CCSER1: variants seen among roughly 807,000 people sequenced by gnomAD.
The protein encoded by CCSER1 is serine-rich coiled-coil domain-containing protein 1.
In CCSER1, 41 loss-of-function variants were observed where a neutral mutation model predicts 82.0. The ratio of observed to expected loss-of-function variants is 0.50; its 90% CI spans 0.39 to 0.65. The LOEUF (loss-of-function observed/expected upper bound fraction) is 0.65, where lower values mean the gene tolerates loss of function less well. CCSER1 is among the 30% of genes least tolerant of loss of function. The probability of loss-of-function intolerance (pLI) is 0.00; values close to 1 mark genes in which losing one functional copy is unlikely to be tolerated. For synonymous variants in CCSER1, 414 were observed against 383.9 expected (o/e 1.08, Z -0.92); for missense variants, 1,119 against 1,064.2 (o/e 1.05, Z -0.72).
chr4:90,253,178 C>A (rs1722694210), intron 1 of CCSER1, among the ~76,000 whole-genome samples: 1 of 151,810 alleles, frequency 6.6e-6, no homozygotes, highest in Non-Finnish European at 1.5e-5. Context: ...ATAGGCCCAA[C>A]AATATAATTA....
At chr4:90,289,107 A>G (rs1258591474) in intron 1 of CCSER1, among the ~76,000 whole-genome samples, 1 of 151,908 alleles carries the variant, frequency 6.6e-6, no homozygotes, top group Admixed American at 6.6e-5. Context: ...GGTTTACTTG[A>G]TGCTTTCTTC....
rs1287541077 is a variant in CCSER1, at chr4:91,496,834, A to AT, written c.2218-101736dup. Among the ~76,000 whole-genome samples the AT allele has an allele frequency of 3.2e-3, 179 of 56,308 alleles. 14 individuals are homozygous for AT. The highest frequency in any genetic ancestry group is 0.025 in the Middle Eastern group (2 of 80). The allele number at this position is 56,308 out of a possible 152,430, so 36.9% of individuals were successfully genotyped here. A position where few individuals can be genotyped will look rare whatever the true frequency, so the allele number is the denominator to read the frequency against. On this transcript the variant is annotated intron_variant, in intron 10 of 10. Transcript: ENST00000509176. ...TATATTCAATATATATTGAATATAT[A>AT]TTGAATATATATATATTCAAATATA...
Position 90,823,292 on chromosome 4 carries a change from T to A in CCSER1, c.2094+7447T>A, listed in dbSNP as rs190041700. ...ATTTTTTTCAATTATCACATTTTTT[T>A]AATTACCTGTCCTTTAATAAACAAT... On this transcript the variant is annotated intron_variant, in intron 8 of 10. Transcript: ENST00000509176. Among the ~76,000 whole-genome samples the A allele has an allele frequency of 1.1e-3, 168 of 152,274 alleles. 1 individual carries two copies. The East Asian group carries it at 0.011, about 10-fold the overall frequency.
At chr4:91,282,803 A>G (rs1743012180) in intron 10 of CCSER1, among the ~76,000 whole-genome samples, 1 of 152,172 alleles carries the variant, frequency 6.6e-6, no homozygotes, top group African/African-American at 2.4e-5. Flanking sequence ...TGGATCCACC[A>G]CTTTAACTAT....
intron 3 of CCSER1, among the ~76,000 whole-genome samples, chr4:90,393,299 C>A (rs1751473231): frequency 6.6e-6 from 1 of 152,168 alleles, no homozygotes; most frequent in Admixed American, 6.5e-5. Flanking sequence ...GACTGAGGAT[C>A]TTCTACAATA....
chr4:90,636,016 A>G (rs1009337836), intron 6 of CCSER1, among the ~76,000 whole-genome samples: 3 of 151,872 alleles, frequency 2.0e-5, no homozygotes, highest in African/African-American at 7.2e-5. Context: ...AATAAGCCCA[A>G]ATTGATTCTT....
chr4:90,412,331 G>T (rs1351238154), intron 4 of CCSER1, among the ~76,000 whole-genome samples: 3 of 101,200 alleles, frequency 3.0e-5, no homozygotes, highest in Non-Finnish European at 5.6e-5. Flanking sequence ...GGGGGGAGGG[G>T]GGAGGGATAG....
chr4:90,570,576 A>G (rs1370385164), intron 5 of CCSER1, among the ~76,000 whole-genome samples: 1 of 152,126 alleles, frequency 6.6e-6, no homozygotes, highest in African/African-American at 2.4e-5. Context: ...ACCTCCTTCA[A>G]CATGGACTAT....
At chr4:91,277,526 C>CTTTTTT (rs552319172) in intron 10 of CCSER1, among the ~76,000 whole-genome samples, 2 of 100,028 alleles carry the variant, frequency 2.0e-5, no homozygotes, top group Non-Finnish European at 4.3e-5. Flanking sequence ...CCATTTTGTC[C>CTTTTTT]TTTTTTTTTT....
chr4:91,342,509 C>T (rs1747787908), intron 10 of CCSER1, among the ~76,000 whole-genome samples: 1 of 152,088 alleles, frequency 6.6e-6, no homozygotes, highest in African/African-American at 2.4e-5. Flanking sequence ...TCAGCATATT[C>T]CATGTGTATA....
chr4:90,323,098 G>A (rs933547053), intron 3 of CCSER1, among the ~76,000 whole-genome samples: 2 of 152,148 alleles, frequency 1.3e-5, no homozygotes, highest in Admixed American at 6.5e-5. Context: ...AATATGCAGG[G>A]TGCTTCATTT....
chr4:91,603,973 C>G lies in CCSER1; in HGVS notation c.*4916C>G, dbSNP rs2110371039. The G allele has an allele frequency of 6.6e-6, 1 of 152,020 alleles. No individual in the cohort carries two copies. The highest frequency in any genetic ancestry group is 1.9e-4 in the East Asian group (1 of 5,158). 9.4% of individuals were successfully genotyped at this position (152,020 alleles called of 1,614,324 possible). The stretch of plus-strand genomic sequence containing the variant: ...TTCCCAAGCGCCCCAACTTCAAGCA[C>G]CATCACACTGGGGGTTAGGGCTTCA... On this transcript the variant is annotated 3_prime_UTR_variant, in exon 11 of 11. Coordinates refer to ENST00000509176, the MANE Select transcript of CCSER1 (RefSeq NM_001145065.2).
chr4:91,493,093 G>A (rs76924188), intron 10 of CCSER1, among the ~76,000 whole-genome samples: 2,818 of 151,994 alleles, frequency 0.019, 77 homozygotes, highest in African/African-American at 0.061. Context: ...TTGTGTGCAA[G>A]ATAAGTTTTC....
At chr4:90,168,678 T>C (rs907430907) in intron 1 of CCSER1, among the ~76,000 whole-genome samples, 1 of 152,114 alleles carries the variant, frequency 6.6e-6, no homozygotes, top group Non-Finnish European at 1.5e-5. Flanking sequence ...GCATCCAGTT[T>C]CAGCTTTCTA....
chr4:91,240,075 A>ATT (rs1215833870), intron 10 of CCSER1, among the ~76,000 whole-genome samples: 1 of 44,480 alleles, frequency 2.2e-5, no homozygotes, highest in South Asian at 9.4e-4. Flanking sequence ...CATAAAATAC[A>ATT]TTTTTTTTTT....
At chr4:91,398,048 G>A (rs1261417086) in intron 10 of CCSER1, among the ~76,000 whole-genome samples, 1 of 151,942 alleles carries the variant, frequency 6.6e-6, no homozygotes, top group Non-Finnish European at 1.5e-5. Context: ...TACCTAGGTA[G>A]CAATGAGTAA....
At chr4:90,821,795 AG>A (rs1167932419) in intron 8 of CCSER1, among the ~76,000 whole-genome samples, 5 of 152,132 alleles carry the variant, frequency 3.3e-5, no homozygotes, top group Admixed American at 3.3e-4. Context: ...TATTTTGTGA[AG>A]GTTATGTTGA....
intron 10 of CCSER1, among the ~76,000 whole-genome samples, chr4:91,201,274 T>A (rs1248935658): frequency 1.3e-5 from 2 of 152,064 alleles, no homozygotes; most frequent in African/African-American, 2.4e-5. Flanking sequence ...TGCATCTTGA[T>A]CACAACTGAG....
chr4:90,872,455 A>G (rs1766657781), intron 8 of CCSER1, among the ~76,000 whole-genome samples: 1 of 152,004 alleles, frequency 6.6e-6, no homozygotes, highest in African/African-American at 2.4e-5. Flanking sequence ...CACTGATTGC[A>G]TAAACAACAA....
Sources: allele counts gnomAD v4.1 joint callset (sites outside exome capture counted in the v4.1 genomes callset), GRCh38; gene constraint gnomAD v4.1.1; transcripts MANE v1.5; gene names NCBI Gene and HGNC (gene_info 2026-07-23, HGNC 2026-07-21).